The following SEMA5A variants were observed in gnomAD, a reference collection of about 807,000 sequenced individuals.
SEMA5A encodes semaphorin 5A, also known as semaphorin-5A.
In SEMA5A, 55 loss-of-function variants were observed where a neutral mutation model predicts 135.5. The ratio of observed to expected loss-of-function variants is 0.41; its 90% confidence interval spans 0.33 to 0.51. The LOEUF (loss-of-function observed/expected upper bound fraction) is 0.51, where lower values mean the gene tolerates loss of function less well. SEMA5A is among the 20% of genes least tolerant of loss of function. The pLI, the probability that SEMA5A is intolerant of heterozygous loss-of-function variation, is 0.37. For synonymous variants in SEMA5A, 580 were observed against 546.5 expected (o/e 1.06, Z -0.85); for missense variants, 1,290 against 1,419.9 (o/e 0.91, Z 1.47).
chr5:9,428,116 AT>A, intron 2 of SEMA5A, among the ~76,000 whole-genome samples: 3 of 133,706 alleles, frequency 2.2e-5, no homozygotes, highest in Admixed American at 7.5e-5. Flanking sequence ...ATATATATAT[AT>A]TCAACTCTAT....
chr5:9,233,931 A>C (rs1460300665), intron 6 of SEMA5A, among the ~76,000 whole-genome samples: 2 of 152,076 alleles, frequency 1.3e-5, no homozygotes, highest in Non-Finnish European at 2.9e-5. Flanking sequence ...AAAAAAAAAC[A>C]ACTTCAGTTT....
intron 1 of SEMA5A, among the ~76,000 whole-genome samples, chr5:9,533,869 C>G (rs1340093821): frequency 6.6e-6 from 1 of 152,184 alleles, no homozygotes; most frequent in Non-Finnish European, 1.5e-5. Context: ...CCCCCTTCCT[C>G]ATGGGTTTTT....
intron 16 of SEMA5A, among the ~76,000 whole-genome samples, chr5:9,099,238 A>G (rs1003086543): frequency 3.9e-5 from 6 of 152,164 alleles, no homozygotes; most frequent in Non-Finnish European, 7.4e-5. Context: ...TTTTGTGGCC[A>G]TCTGCTGTAC....
intron 6 of SEMA5A, among the ~76,000 whole-genome samples, chr5:9,232,026 C>A (rs766495781): frequency 1.3e-5 from 2 of 152,112 alleles, no homozygotes; most frequent in South Asian, 2.1e-4. Context: ...AATTGATAGC[C>A]GAGGAGCATG....
intron 2 of SEMA5A, among the ~76,000 whole-genome samples, chr5:9,431,019 G>A (rs563423868): frequency 1.4e-4 from 22 of 152,198 alleles, no homozygotes; most frequent in African/African-American, 3.9e-4. Flanking sequence ...GGAAATAACT[G>A]CTTAAGTACT....
chr5:9,120,973 T>A (rs992615805), intron 14 of SEMA5A, among the ~76,000 whole-genome samples: 5 of 152,096 alleles, frequency 3.3e-5, no homozygotes, highest in Non-Finnish European at 7.4e-5. Flanking sequence ...AGACGGGTTT[T>A]CTCCATGTTG....
At position 9,136,484 on chromosome 5, in the gene SEMA5A, T is replaced by G; in HGVS notation, c.1599+20A>C. ...TCCCATGGGCAGCATTTTCAGAGGA[T>G]GGAGAAGGTGGGCACTCACCGGACA... On this transcript the variant is annotated intron_variant, in intron 13 of 22. Coordinates refer to ENST00000382496, the MANE Select transcript of SEMA5A (RefSeq NM_003966.3). 1.7e-5 allele frequency: 27 copies of G among 1,591,986 alleles called. No individual in the cohort carries two copies. Among genetic ancestry groups the G allele is most frequent in the South Asian group, 2.2e-5 (2 of 90,576 alleles).
chr5:9,445,013 G>A (rs1005190761), intron 1 of SEMA5A, among the ~76,000 whole-genome samples: 1 of 152,132 alleles, frequency 6.6e-6, no homozygotes, highest in African/African-American at 2.4e-5. Context: ...CAAAATAAAT[G>A]CACAGAGAAA....
At chr5:9,056,661 G>A (rs531762793) in intron 18 of SEMA5A, among the ~76,000 whole-genome samples, 1 of 152,246 alleles carries the variant, frequency 6.6e-6, no homozygotes, top group South Asian at 2.1e-4. Flanking sequence ...GGCGGAGGTT[G>A]CGGTGAGCTG....
chr5:9,137,592 G>A (rs1211583600), intron 12 of SEMA5A, among the ~76,000 whole-genome samples: 1 of 152,172 alleles, frequency 6.6e-6, no homozygotes, highest in Admixed American at 6.5e-5. Context: ...GCAGGAAGCA[G>A]ATGTGAGGAA....
intron 5 of SEMA5A, among the ~76,000 whole-genome samples, chr5:9,238,442 C>T (rs1748026108): frequency 6.6e-6 from 1 of 152,138 alleles, no homozygotes; most frequent in African/African-American, 2.4e-5. Flanking sequence ...TCCCCAGTAG[C>T]AGTCATTTTC....
At chr5:9,418,721 C>A (rs1038452073) in intron 2 of SEMA5A, among the ~76,000 whole-genome samples, 4 of 152,128 alleles carry the variant, frequency 2.6e-5, no homozygotes, top group African/African-American at 9.7e-5. Flanking sequence ...GGAGAGTAAT[C>A]AAATTGTACT....
intron 8 of SEMA5A, among the ~76,000 whole-genome samples, chr5:9,215,733 C>A (rs570547336): frequency 3.9e-5 from 6 of 151,988 alleles, no homozygotes; most frequent in African/African-American, 7.2e-5. Context: ...GTGGGTTCAG[C>A]GGTAACATTT....
At position 9,400,501 on chromosome 5, in the gene SEMA5A, A is replaced by ATTTTTTTTTTTTT. The variant is rs1215358817; in HGVS notation, c.-77-20491_-77-20479dup. On this transcript the variant is annotated intron_variant, in intron 2 of 22. Coordinates refer to ENST00000382496, the MANE Select transcript of SEMA5A (RefSeq NM_003966.3). Reference sequence around the variant, plus strand: ...CTTCAATAGTTTGAACACAATGTACATTTTTTTTTTTTTTTTTTTTTTTGA... The same window carrying ATTTTTTTTTTTTT: ...CTTCAATAGTTTGAACACAATGTACATTTTTTTTTTTTTTTTTTTTTTTTTTTTTTTTTTTTGA... 3.3e-4 allele frequency among the ~76,000 whole-genome samples: 29 copies of ATTTTTTTTTTTTT among 87,010 alleles called. 2 individuals are homozygous for ATTTTTTTTTTTTT. Among genetic ancestry groups the ATTTTTTTTTTTTT allele is most frequent in the African/African-American group, 1.4e-3 (28 of 19,654 alleles). The allele number at this position is 87,010 out of a possible 152,430, so 57.1% of individuals were successfully genotyped here.
Position 9,039,575 on chromosome 5 carries a change from G to A in SEMA5A, c.*3322C>T, listed in dbSNP as rs180694736. 6.6e-6 allele frequency: 1 copy of A among 152,168 alleles called. No homozygotes were observed. The highest frequency in any genetic ancestry group is 1.5e-5 in the Non-Finnish European group (1 of 68,040). The allele number at this position is 152,168 out of a possible 1,614,324, so 9.4% of individuals were successfully genotyped here. A position where few individuals can be genotyped will look rare whatever the true frequency, so the allele number is the denominator to read the frequency against. Reference sequence around the variant, plus strand: ...CTCTAGTGAGAGCCTACTTGAACAGGCTTAGGGAACCATCCCTACAAACAT... The same window carrying A: ...CTCTAGTGAGAGCCTACTTGAACAGACTTAGGGAACCATCCCTACAAACAT... On this transcript the variant is annotated 3_prime_UTR_variant, in exon 23 of 23. Coordinates refer to ENST00000382496, the MANE Select transcript of SEMA5A (RefSeq NM_003966.3).
intron 17 of SEMA5A, among the ~76,000 whole-genome samples, chr5:9,064,663 G>A (rs1387149587): frequency 6.6e-6 from 1 of 152,102 alleles, no homozygotes; most frequent in African/African-American, 2.4e-5. Context: ...AGCTAGGGGA[G>A]GGAGGTTGAG....
chr5:9,306,088 C>T (rs1415997587), intron 5 of SEMA5A, among the ~76,000 whole-genome samples: 2 of 152,198 alleles, frequency 1.3e-5, no homozygotes, highest in Non-Finnish European at 2.9e-5. Flanking sequence ...TATCCCTTTT[C>T]CACGAGTTTT....
intron 5 of SEMA5A, among the ~76,000 whole-genome samples, chr5:9,312,148 A>G (rs951545600): frequency 2.0e-5 from 3 of 152,110 alleles, no homozygotes; most frequent in African/African-American, 7.2e-5. Context: ...GGCCAGCTCC[A>G]TTTTTATATT....
chr5:9,456,217 G>A (rs946349956), intron 1 of SEMA5A, among the ~76,000 whole-genome samples: 2 of 152,140 alleles, frequency 1.3e-5, no homozygotes, highest in African/African-American at 2.4e-5. Context: ...TACACAGCTC[G>A]ACCCAGAGCT....
Sources: gnomAD v4.1 joint callset for allele counts (sites outside exome capture counted in the v4.1 genomes callset) on GRCh38, gnomAD v4.1.1 for gene constraint, MANE v1.5 for transcripts, NCBI Gene and HGNC (gene_info 2026-07-23, HGNC 2026-07-21) for gene names.